FDPS: variants seen among roughly 807,000 people sequenced by gnomAD.
FDPS encodes farnesyl diphosphate synthase, also known as farnesyl pyrophosphate synthase.
Under a neutral mutation model 49.5 loss-of-function variants are expected in FDPS, and 29 were observed. The observed-to-expected ratio is 0.59, with a 90% CI of 0.44 to 0.80. FDPS has a LOEUF of 0.80. FDPS is among the 30% of genes least tolerant of loss of function. FDPS has a pLI of 0.00. For missense variants in FDPS, 414 were observed against 525.6 expected (o/e 0.79, Z 2.08); for synonymous variants, 172 against 206.4 (o/e 0.83, Z 1.43).
In FDPS at chr1:155,319,583, T is replaced by C. The variant is rs1410357875; in HGVS notation, c.847-28T>C. ...GGAAGATGCCGGCACCCCTGGGGTTTGGCTTATTAACCCCCCTTTCCCTGC... is the reference window on the plus strand; with the variant it reads ...GGAAGATGCCGGCACCCCTGGGGTTCGGCTTATTAACCCCCCTTTCCCTGC... On this transcript the variant is annotated intron_variant, in intron 8 of 10. Transcript: ENST00000368356. The C allele has an allele frequency of 2.5e-6, 4 of 1,612,322 alleles. No homozygotes were observed. The Admixed American group carries it at 6.7e-5, about 27-fold the overall frequency.
chr1:155,317,774 T>G, intron 4 of FDPS, 167 bp from the exon 5 acceptor site: 1 of 578,110 alleles, frequency 1.7e-6, no homozygotes, highest in Non-Finnish European at 3.1e-6. Context: ...AGCCTGGGAG[T>G]TAGAGGCTAC....
In FDPS at chr1:155,316,705, C is replaced by T. The variant is rs141201953; in HGVS notation, c.481-1236C>T. ...ACTTGGGAGGCTGAGGCAGGAGAAT[C>T]GCTTGAATTTGGGAGGCGGAGGTTA... On this transcript the variant is annotated intron_variant, in intron 4 of 10. Coordinates refer to ENST00000368356, the MANE Select transcript of FDPS (RefSeq NM_002004.4). Among the ~76,000 whole-genome samples, 87 of 151,526 alleles carry T rather than the reference C, an allele frequency of 5.7e-4. No homozygotes were observed. The East Asian group carries it at 0.013, about 22-fold the overall frequency.
intron 4 of FDPS, among the ~76,000 whole-genome samples, chr1:155,315,707 CAAAA>C (rs929674291): frequency 6.9e-6 from 1 of 144,322 alleles, no homozygotes; most frequent in African/African-American, 2.5e-5. Context: ...AAACAAAAAA[CAAAA>C]AAAAAATTAG....
rs1649785478 is a variant in FDPS at position 155,318,623 on chromosome 1, C to A, written c.685-42C>A. The A allele has an allele frequency of 1.4e-6, 2 of 1,461,316 alleles. No individual in the cohort carries two copies. Among genetic ancestry groups the A allele is most frequent in the Non-Finnish European group, 1.9e-6 (2 of 1,041,446 alleles). The allele number at this position is 1,461,316 out of a possible 1,614,324, so 90.5% of individuals were successfully genotyped here. The stretch of plus-strand genomic sequence containing the variant: ...CTTGGGATACCAGGGTTTCGCATAT[C>A]TGGAGAAAGCCTGGCTCATGGACCG... On this transcript the variant is annotated intron_variant, in intron 6 of 10. Transcript: ENST00000368356. The surrounding 1 kb of genome is among the most constrained non-coding windows in gnomAD (Gnocchi z 4.2).
At chr1:155,319,567 C>G in intron 8 of FDPS, 44 bp from the exon 9 acceptor site, 3 of 1,602,438 alleles carry the variant, frequency 1.9e-6, no homozygotes, top group Non-Finnish European at 2.6e-6. Context: ...AGGAAGATGC[C>G]GGCACCCCTG....
At position 155,312,123 on chromosome 1, in the gene FDPS, C is replaced by T. The variant is rs1432161081; in HGVS notation, c.340-132C>T. 3 of 1,004,648 alleles carry T rather than the reference C, an allele frequency of 3.0e-6. No individual in the cohort carries two copies. In the East Asian group the frequency reaches 7.3e-5, roughly 24 times the overall value. 62.2% of individuals were successfully genotyped at this position (1,004,648 alleles called of 1,614,324 possible). On this transcript the variant is annotated intron_variant, in intron 3 of 10. Coordinates refer to ENST00000368356, the MANE Select transcript of FDPS (RefSeq NM_002004.4). ...GTAAAGACAGTAGCAATTCCAGAGG[C>T]TCCTTGAAGAGGAGTTGGGGTTGGG...
At chr1:155,315,501 A>C (rs1319171056) in intron 4 of FDPS, among the ~76,000 whole-genome samples, 2 of 152,076 alleles carry the variant, frequency 1.3e-5, no homozygotes, top group African/African-American at 4.8e-5. Context: ...AACATGGTGA[A>C]ACCCCGTCTC....
At chr1:155,310,342 G>A (rs1436536738) in intron 3 of FDPS, 137 bp downstream of exon 3, 1 of 725,190 alleles carries the variant, frequency 1.4e-6, no homozygotes, top group Non-Finnish European at 2.2e-6. Flanking sequence ...ACAGAGCCTT[G>A]CTCTGTCACC....
chr1:155,320,030 T>C, intron 10 of FDPS, 102 bp downstream of exon 10: 1 of 1,376,024 alleles, frequency 7.3e-7, no homozygotes, highest in Non-Finnish European at 1.0e-6. Context: ...TTTGGCAATG[T>C]CAGCAGACAT....
Position 155,320,451 on chromosome 1 carries a change from A to G in FDPS, c.1102A>G (p.Lys368Glu), listed in dbSNP as rs771624767. The G allele has an allele frequency of 6.2e-7, 1 of 1,613,786 alleles. No homozygotes were observed. The highest frequency in any genetic ancestry group is 8.5e-7 in the Non-Finnish European group (1 of 1,180,016). Residue 368 changes from lysine to glutamate, a missense_variant, in exon 11 of 11, where the codon AAG (lysine) becomes GAG (glutamate). By Grantham distance (56) the Lys-to-Glu change is moderately conservative. Transcript: ENST00000368356. ...QKEAEKVARV[K>E]ALYEELDLPA... ...GGAGGCTGAGAAAGTGGCCCGGGTG[A>G]AGGCGCTATATGAGGAGCTGGATCT... is the stretch of plus-strand genomic sequence containing the variant.
chr1:155,309,490 C>G (rs1648554002), intron 1 of FDPS: 1 of 303,234 alleles, frequency 3.3e-6, no homozygotes. Flanking sequence ...GCCCCTAATC[C>G]TGGGGTACTT....
chr1:155,320,598 C>T lies in FDPS; in HGVS notation c.1249C>T (p.Arg417Trp), dbSNP rs371703015. 6 of 1,614,048 alleles carry T rather than the reference C, an allele frequency of 3.7e-6. No individual in the cohort carries two copies. The highest frequency in any genetic ancestry group is 1.7e-5 in the Admixed American group (1 of 60,006). Residue 417 changes from arginine (R) to tryptophan (W), a missense_variant, in exon 11 of 11, where the codon CGG becomes TGG. Physicochemically the swap from Arg to Trp is moderately radical, Grantham distance 101 (BLOSUM62 -3). Coordinates refer to ENST00000368356, the MANE Select transcript of FDPS (RefSeq NM_002004.4). ...GGGGCTTGCGCGCAAAATCTACAAG[C>T]GGAGAAAGTGACCTAGAGATTGCAA... is the stretch of plus-strand genomic sequence containing the variant. The part of the protein sequence containing the change: ...FLGLARKIYK[R>W]RK
intron 1 of FDPS, chr1:155,309,497 A>C: frequency 6.3e-6 from 2 of 317,434 alleles, no homozygotes; most frequent in Non-Finnish European, 1.2e-5. Context: ...ATCCTGGGGT[A>C]CTTTACTCTG....
chr1:155,310,395 C>T, intron 3 of FDPS, 190 bp downstream of exon 3: 3 of 575,790 alleles, frequency 5.2e-6, no homozygotes, highest in Non-Finnish European at 9.2e-6. Context: ...GCTGCAACCT[C>T]CACCTCCTGG....
chr1:155,312,476 CTT>C (rs902500622), intron 4 of FDPS, 81 bp downstream of exon 4: 1 of 1,452,744 alleles, frequency 6.9e-7, no homozygotes, highest in African/African-American at 1.4e-5. Flanking sequence ...GGGCCTGAAA[CTT>C]ATTTCTGGGT....
chr1:155,313,676 G>A (rs59650797), intron 4 of FDPS, among the ~76,000 whole-genome samples: 4,093 of 152,174 alleles, frequency 0.027, 187 homozygotes, highest in African/African-American at 0.095. Flanking sequence ...TGGATGACAG[G>A]GATGCTGAGG....
Position 155,318,253 on chromosome 1 carries a change from C to A in FDPS, c.646C>A (p.Gln216Lys), listed in dbSNP as rs563258143. Residue 216 changes from glutamine to lysine, a missense_variant, in exon 6 of 11, where the codon CAG becomes AAG. By Grantham distance (53) the Gln-to-Lys change is moderately conservative. Transcript: ENST00000368356. The surrounding 1 kb of genome is among the most constrained non-coding windows in gnomAD (Gnocchi z 4.2). ...YRLLKLYCRE[Q>K]PYYLNLIELF... ...CCTGCTGAAGCTCTATTGCCGGGAG[C>A]AGCCCTATTACCTGAACCTGATCGA... The A allele has an allele frequency of 2.5e-6, 4 of 1,613,568 alleles. No homozygotes were observed.
chr1:155,309,794 C>A lies in FDPS; in HGVS notation c.5C>A (p.Pro2His). Residue 2 changes from proline (P) to histidine (H), a missense_variant, in exon 2 of 11, where the codon CCC becomes CAC. Transcript: ENST00000368356. Reference protein sequence around the residue: MPLSRWLRSVGV... With the variant: MHLSRWLRSVGV... ...CCTCCCTATGCCACTCCCAGGATGC[C>A]CCTGTCCCGCTGGTTGAGATCTGTG... 1 of 1,551,116 alleles carries A rather than the reference C, an allele frequency of 6.4e-7. No individual in the cohort carries two copies. Among genetic ancestry groups the A allele is most frequent in the Non-Finnish European group, 8.8e-7 (1 of 1,141,714 alleles).
intron 4 of FDPS, among the ~76,000 whole-genome samples, chr1:155,315,267 A>ACTAC (rs1649208850): frequency 1.3e-5 from 2 of 152,236 alleles, no homozygotes; most frequent in Admixed American, 6.5e-5. Flanking sequence ...CTTCTAGGCC[A>ACTAC]AGTGTAGTGG....
Sources: gnomAD v4.1 joint callset for allele counts (sites outside exome capture counted in the v4.1 genomes callset) on GRCh38, gnomAD v4.1.1 for gene constraint, Gnocchi (gnomAD v3.1) non-coding constraint, MANE v1.5 for transcripts, NCBI Gene and HGNC (gene_info 2026-07-23, HGNC 2026-07-21) for gene names.